The following KCNIP4 variants were observed in gnomAD, a reference collection of about 807,000 sequenced individuals.
The protein encoded by KCNIP4 is potassium voltage-gated channel interacting protein 4.
Under a neutral mutation model 34.0 loss-of-function variants are expected in KCNIP4, and 12 were observed. The ratio of observed to expected loss-of-function variants is 0.35; its 90% CI spans 0.23 to 0.57. The LOEUF (loss-of-function observed/expected upper bound fraction) is 0.57. Ranked by LOEUF, KCNIP4 falls within the 20% of genes least tolerant of loss-of-function variation. KCNIP4 has a pLI of 0.83. For synonymous variants in KCNIP4, 124 were observed against 102.2 expected (o/e 1.21, Z -1.29); for missense variants, 238 against 311.7 (o/e 0.76, Z 1.78).
intron 1 of KCNIP4, chr4:21,613,570 TA>T (rs1178840069): frequency 2.0e-5 from 3 of 152,218 alleles, no homozygotes; most frequent in African/African-American, 7.2e-5. Context: ...TGTGAGATAC[TA>T]AATGCCTATT....
chr4:20,880,004 A>T (rs78130980), intron 2 of KCNIP4, among the ~76,000 whole-genome samples: 1 of 152,208 alleles, frequency 6.6e-6, no homozygotes, highest in Non-Finnish European at 1.5e-5. Context: ...CAAATACAAT[A>T]TACTAGAGTT....
chr4:21,085,195 G>A (rs1429656184), intron 1 of KCNIP4, among the ~76,000 whole-genome samples: 2 of 152,012 alleles, frequency 1.3e-5, no homozygotes, highest in African/African-American at 2.4e-5. Flanking sequence ...TAGAATTAAA[G>A]CTCTTATAAA....
intron 1 of KCNIP4, among the ~76,000 whole-genome samples, chr4:21,424,773 T>A (rs1725798648): frequency 6.6e-6 from 1 of 152,170 alleles, no homozygotes; most frequent in African/African-American, 2.4e-5. Context: ...AATCACAGAA[T>A]GTTATCCATT....
chr4:20,905,587 C>T (rs1043898883), intron 1 of KCNIP4, among the ~76,000 whole-genome samples: 1 of 132,880 alleles, frequency 7.5e-6, no homozygotes, highest in Non-Finnish European at 1.5e-5. Context: ...TCTCGGCTCA[C>T]TGCAACCTCT....
At chr4:21,250,977 T>G (rs922980926) in intron 1 of KCNIP4, among the ~76,000 whole-genome samples, 2 of 151,824 alleles carry the variant, frequency 1.3e-5, no homozygotes, top group Non-Finnish European at 2.9e-5. Flanking sequence ...TCTCAGAAAT[T>G]ATCTACAAAT....
chr4:21,304,073 G>GAGAGAC (rs1712112665), intron 1 of KCNIP4: 14 of 235,784 alleles, frequency 5.9e-5, no homozygotes, highest in Admixed American at 2.3e-4. Context: ...GAGAGACAGA[G>GAGAGAC]AGAGAGAGAG....
chr4:21,231,558 T>C (rs545356224), intron 1 of KCNIP4, among the ~76,000 whole-genome samples: 65 of 152,294 alleles, frequency 4.3e-4, no homozygotes, highest in African/African-American at 1.5e-3. Flanking sequence ...CTTAAAACTG[T>C]GCCTTGGTAT....
intron 1 of KCNIP4, among the ~76,000 whole-genome samples, chr4:20,981,293 C>T (rs1010400697): frequency 6.6e-6 from 1 of 152,176 alleles, no homozygotes; most frequent in African/African-American, 2.4e-5. Context: ...TCTGGCTTAG[C>T]TCATTTATAT....
intron 1 of KCNIP4, among the ~76,000 whole-genome samples, chr4:21,621,895 CT>C (rs1745021076): frequency 6.6e-6 from 1 of 152,136 alleles, no homozygotes; most frequent in Non-Finnish European, 1.5e-5. Flanking sequence ...AAAGAATGAC[CT>C]AAGCCGGCAT....
intron 1 of KCNIP4, among the ~76,000 whole-genome samples, chr4:20,959,366 G>A (rs935118119): frequency 6.6e-6 from 1 of 152,174 alleles, no homozygotes; most frequent in African/African-American, 2.4e-5. Flanking sequence ...AGTGACACAG[G>A]TTTAAGGCTT....
intron 1 of KCNIP4, among the ~76,000 whole-genome samples, chr4:21,789,144 G>T (rs1463339533): frequency 6.6e-6 from 1 of 150,816 alleles, no homozygotes; most frequent in Admixed American, 6.6e-5. Context: ...CCACACAGCT[G>T]GTGCAGGTAT....
At chr4:21,762,898 T>C in intron 1 of KCNIP4, 1 of 1,281,310 alleles carries the variant, frequency 7.8e-7, no homozygotes, top group Non-Finnish European at 1.0e-6. Context: ...TGTAGGTGGA[T>C]GGAATTGGAG....
intron 1 of KCNIP4, among the ~76,000 whole-genome samples, chr4:21,714,873 T>C (rs1276533119): frequency 0.024 from 5 of 210 alleles, no homozygotes; most frequent in East Asian, 0.5. Context: ...TATTTTATTT[T>C]ATTTTATTTT....
intron 1 of KCNIP4, among the ~76,000 whole-genome samples, chr4:21,892,984 C>T (rs1035377463): frequency 7.9e-5 from 12 of 152,044 alleles, no homozygotes; most frequent in African/African-American, 2.7e-4. Context: ...AGTTAATACC[C>T]CATTTCGGTT....
At chr4:21,729,273 ATCT>A (rs1715417171) in intron 1 of KCNIP4, among the ~76,000 whole-genome samples, 1 of 152,194 alleles carries the variant, frequency 6.6e-6, no homozygotes, top group African/African-American at 2.4e-5. Context: ...TAGACACAGA[ATCT>A]TCTTATTTCA....
At chr4:21,763,556 T>G (rs1270540739) in intron 1 of KCNIP4, among the ~76,000 whole-genome samples, 1 of 152,158 alleles carries the variant, frequency 6.6e-6, no homozygotes, top group Non-Finnish European at 1.5e-5. Context: ...GAGTGTCTTC[T>G]GAGAGCCAGG....
At chr4:21,390,567 C>A (rs1722472663) in intron 1 of KCNIP4, among the ~76,000 whole-genome samples, 1 of 152,130 alleles carries the variant, frequency 6.6e-6, no homozygotes, top group East Asian at 1.9e-4. Flanking sequence ...GGAATCCTTT[C>A]CCCATTTCTT....
chr4:20,763,821 G>A (rs1190641329), intron 3 of KCNIP4, among the ~76,000 whole-genome samples: 2 of 152,138 alleles, frequency 1.3e-5, no homozygotes, highest in African/African-American at 4.8e-5. Context: ...GCCTGCCAAA[G>A]TGCTGGGATT....
chr4:21,842,896 C>A (rs1021775854), intron 1 of KCNIP4, among the ~76,000 whole-genome samples: 1 of 152,082 alleles, frequency 6.6e-6, no homozygotes, highest in Admixed American at 6.6e-5. Flanking sequence ...ATTCTACCAA[C>A]CTCACTGGGA....
Sources: allele counts gnomAD v4.1 joint callset (sites outside exome capture counted in the v4.1 genomes callset), GRCh38; gene constraint gnomAD v4.1.1; transcripts MANE v1.5; gene names NCBI Gene and HGNC (gene_info 2026-07-23, HGNC 2026-07-21).